Variants in KAT7 observed in about 807,000 individuals in gnomAD.
The protein encoded by KAT7 is histone acetyltransferase KAT7.
Under a neutral mutation model 82.1 loss-of-function variants are expected in KAT7, and 10 were observed. The observed-to-expected ratio is 0.12, with a 90% CI of 0.08 to 0.21. The LOEUF (loss-of-function observed/expected upper bound fraction) is 0.21, where lower values mean the gene tolerates loss of function less well. KAT7 is among the 10% of genes least tolerant of loss of function. The pLI is 1.00. For missense variants in KAT7, 378 were observed against 760.9 expected (o/e 0.50, Z 5.92); for synonymous variants, 250 against 262.5 (o/e 0.95, Z 0.46).
rs755666855 is a variant in KAT7, at chr17:49,830,797, T to C, written c.*3295T>C. The C allele has an allele frequency of 6.6e-6, 1 of 152,220 alleles. No individual in the cohort carries two copies. The highest frequency in any genetic ancestry group is 1.5e-5 in the Non-Finnish European group (1 of 68,036). 9.4% of individuals were successfully genotyped at this position (152,220 alleles called of 1,614,324 possible). A position where few individuals can be genotyped will look rare whatever the true frequency, so the allele number is the denominator to read the frequency against. On this transcript the variant is annotated 3_prime_UTR_variant, in exon 15 of 15. Coordinates refer to ENST00000259021, the MANE Select transcript of KAT7 (RefSeq NM_007067.5). ...CTGCACCCTCCCCTCTACCGTTTTC[T>C]TCCACTATTTTTGATTCCTTAATGA...
chr17:49,819,681 T>G (rs1252307240), intron 9 of KAT7, among the ~76,000 whole-genome samples: 1 of 152,262 alleles, frequency 6.6e-6, no homozygotes. Context: ...ACCTAATTTA[T>G]TCCATGCCTG....
chr17:49,805,382 T>C lies in KAT7; in HGVS notation c.600T>C (p.His200=), dbSNP rs2074078784. ...TAACAGGACACCTTACAGGAAAACA[T>C]GAGAGACATTTCTCCATCTCAGGAT... ...CNSLGHLTGK[H]ERHFSISGCP... Residue 200 remains histidine, a synonymous_variant, in exon 5 of 15, where the codon CAT becomes CAC. Transcript: ENST00000259021. 1.9e-6 allele frequency: 3 copies of C among 1,612,156 alleles called. No homozygotes were observed. Among genetic ancestry groups the C allele is most frequent in the South Asian group, 2.2e-5 (2 of 91,012 alleles).
Position 49,830,536 on chromosome 17 carries a change from T to G in KAT7, c.*3034T>G, listed in dbSNP as rs2074417168. 1 of 152,210 alleles carries G rather than the reference T, an allele frequency of 6.6e-6. No individual in the cohort carries two copies. The highest frequency in any genetic ancestry group is 2.1e-4 in the South Asian group (1 of 4,832). 9.4% of individuals were successfully genotyped at this position (152,210 alleles called of 1,614,324 possible). A position where few individuals can be genotyped will look rare whatever the true frequency, so the allele number is the denominator to read the frequency against. ...ACAGAAGCTTAGCTGCTTAAGCTCC[T>G]TTATTAGAAGAGCAAAAGTCTGAAA... On this transcript the variant is annotated 3_prime_UTR_variant, in exon 15 of 15. Coordinates refer to ENST00000259021, the MANE Select transcript of KAT7 (RefSeq NM_007067.5).
chr17:49,822,477 C>T lies in KAT7; in HGVS notation c.1386+687C>T, dbSNP rs533367130. ...AACTCCTGACCTCAAGTAATCCACTCGCCTTAGCCTCCTAAAGTGCTAGGA... is the reference window on the plus strand; with the variant it reads ...AACTCCTGACCTCAAGTAATCCACTTGCCTTAGCCTCCTAAAGTGCTAGGA... On this transcript the variant is annotated intron_variant, in intron 11 of 14. Coordinates refer to ENST00000259021, the MANE Select transcript of KAT7 (RefSeq NM_007067.5). Among the ~76,000 whole-genome samples, 22 of 152,244 alleles carry T rather than the reference C, an allele frequency of 1.4e-4. No homozygotes were observed. In the South Asian group the frequency reaches 3.3e-3, roughly 23 times the overall value.
At chr17:49,795,240 A>C (rs1446546991) in intron 2 of KAT7, 1 of 155,660 alleles carries the variant, frequency 6.4e-6, no homozygotes, top group East Asian at 1.8e-4. Flanking sequence ...GTCTATCAGA[A>C]CATCACAGTA....
At chr17:49,826,888 C>T (rs989313577) in intron 14 of KAT7, 89 bp downstream of exon 14, 27 of 804,550 alleles carry the variant, frequency 3.4e-5, no homozygotes, top group African/African-American at 3.1e-4. Context: ...GGAGAACCTT[C>T]CCTTAAAGGA....
intron 11 of KAT7, 62 bp downstream of exon 11, chr17:49,821,852 TGGG>T (rs2074307601): frequency 6.6e-7 from 1 of 1,505,476 alleles, no homozygotes; most frequent in Non-Finnish European, 9.2e-7. Context: ...TGTTCGCAGT[TGGG>T]GGCTCAAATC....
In KAT7 at chr17:49,811,589, A is replaced by G. The variant is rs756410432; in HGVS notation, c.852+15A>G. The G allele has an allele frequency of 3.1e-6, 4 of 1,297,858 alleles. No homozygotes were observed. Among genetic ancestry groups the G allele is most frequent in the Non-Finnish European group, 4.2e-6 (4 of 945,276 alleles). 80.4% of individuals were successfully genotyped at this position (1,297,858 alleles called of 1,614,324 possible). A position where few individuals can be genotyped will look rare whatever the true frequency, so the allele number is the denominator to read the frequency against. On this transcript the variant is annotated intron_variant, in intron 7 of 14. Coordinates refer to ENST00000259021, the MANE Select transcript of KAT7 (RefSeq NM_007067.5). ...AGAAATATATGGTGAGGGAAAGTTAAATATTTAATGAGCATGAACTCCTGC... is the reference window on the plus strand; with the variant it reads ...AGAAATATATGGTGAGGGAAAGTTAGATATTTAATGAGCATGAACTCCTGC...
chr17:49,815,772 T>A, intron 7 of KAT7, 31 bp from the exon 8 acceptor site: 1 of 1,250,490 alleles, frequency 8.0e-7, no homozygotes, highest in East Asian at 2.3e-5. Context: ...GCAGAGAGTA[T>A]CAGAGTATCA....
In KAT7 at chr17:49,833,628, G is replaced by A. The variant is rs183118250; in HGVS notation, c.*6126G>A. ...GCTAAATTACTGAATGGTGAGAGAC[G>A]ATGCATAGGAGAACCAAGGTGCTCT... On this transcript the variant is annotated 3_prime_UTR_variant, in exon 15 of 15. Transcript: ENST00000259021. 23 of 152,270 alleles carry A rather than the reference G, an allele frequency of 1.5e-4. No individual in the cohort carries two copies. The highest frequency in any genetic ancestry group is 4.6e-4 in the African/African-American group (19 of 41,548). 9.4% of individuals were successfully genotyped at this position (152,270 alleles called of 1,614,324 possible). A position where few individuals can be genotyped will look rare whatever the true frequency, so the allele number is the denominator to read the frequency against.
rs2074347304 is a variant in KAT7 at position 49,824,658 on chromosome 17, G to C, written c.1481-1342G>C. 2.0e-5 allele frequency: 3 copies of C among 152,208 alleles called. No individual in the cohort carries two copies. The South Asian group carries it at 6.2e-4, about 32-fold the overall frequency. The allele number at this position is 152,208 out of a possible 1,614,324, so 9.4% of individuals were successfully genotyped here. On this transcript the variant is annotated intron_variant, in intron 12 of 14. Coordinates refer to ENST00000259021, the MANE Select transcript of KAT7 (RefSeq NM_007067.5). ...TTACAGGCGTGAGCCACCTTGCCCG[G>C]CCACCTTCTTTCATTTTTAAGTCAC... is the stretch of plus-strand genomic sequence containing the variant.
chr17:49,807,197 A>T (rs911863362), intron 5 of KAT7, among the ~76,000 whole-genome samples: 15 of 152,242 alleles, frequency 9.9e-5, no homozygotes, highest in Admixed American at 9.8e-4. Flanking sequence ...CTTCAAATTA[A>T]TAAGTAAATA....
chr17:49,819,839 C>A (rs2074279982), intron 9 of KAT7, among the ~76,000 whole-genome samples: 1 of 152,146 alleles, frequency 6.6e-6, no homozygotes, highest in Admixed American at 6.5e-5. Context: ...GAGATAGGAA[C>A]AAACTACAGA....
intron 4 of KAT7, among the ~76,000 whole-genome samples, chr17:49,804,553 A>C (rs1432104211): frequency 6.6e-6 from 1 of 152,170 alleles, no homozygotes; most frequent in African/African-American, 2.4e-5. Context: ...AGGCAGGAAG[A>C]TTGCTTGAGT....
In KAT7 at chr17:49,798,410, C is replaced by G; in HGVS notation, c.432C>G (p.Ser144Arg). The change falls in exon 4 of 15, where the codon AGC (serine) becomes AGG (arginine). Residue 144 changes from serine to arginine, a missense_variant. Ser to Arg is a moderately radical substitution (Grantham distance 110). Coordinates refer to ENST00000259021, the MANE Select transcript of KAT7 (RefSeq NM_007067.5). ...CTGAGTCTGACATAGACATCTCCAG[C>G]CCCAATGTATCTCACGATGAGAGCA... ...PSSESDIDIS[S>R]PNVSHDESIA... 2 of 1,614,210 alleles carry G rather than the reference C, an allele frequency of 1.2e-6. No homozygotes were observed. Among genetic ancestry groups the G allele is most frequent in the Non-Finnish European group, 1.7e-6 (2 of 1,180,026 alleles).
intron 8 of KAT7, among the ~76,000 whole-genome samples, chr17:49,816,983 T>C (rs1020168118): frequency 2.0e-5 from 3 of 152,110 alleles, no homozygotes; most frequent in Non-Finnish European, 4.4e-5. Context: ...CCCAGAAATA[T>C]TTTCTGCCTT....
intron 8 of KAT7, among the ~76,000 whole-genome samples, chr17:49,817,536 G>A (rs1484159963): frequency 3.3e-5 from 5 of 152,146 alleles, no homozygotes; most frequent in East Asian, 1.9e-4. Flanking sequence ...GCAGTAGTGC[G>A]ATCTCGGTTC....
At position 49,817,402 on chromosome 17, in the gene KAT7, T is replaced by C. The variant is rs114876885; in HGVS notation, c.964-418T>C. On this transcript the variant is annotated intron_variant, in intron 8 of 14. Coordinates refer to ENST00000259021, the MANE Select transcript of KAT7 (RefSeq NM_007067.5). The stretch of plus-strand genomic sequence containing the variant: ...TCTCTTTAGTGTAAATTCTCATGGA[T>C]AGAAGCCAAATCTGTCTGATTTTTT... Among the ~76,000 whole-genome samples the C allele has an allele frequency of 7.0e-3, 1,067 of 152,324 alleles. 13 individuals carry two copies. Among genetic ancestry groups the C allele is most frequent in the African/African-American group, 0.025 (1,032 of 41,564 alleles).
In KAT7 at chr17:49,826,079, C is replaced by T; in HGVS notation, c.1560C>T (p.Arg520=). 1.2e-6 allele frequency: 2 copies of T among 1,613,872 alleles called. No homozygotes were observed. Among genetic ancestry groups the T allele is most frequent in the Non-Finnish European group, 1.7e-6 (2 of 1,179,760 alleles). Reference sequence around the variant, plus strand: ...CAGATCTGGGGCTTATAAGCTATCGCAGTTACTGGAAAGAAGTACTTCTCC... The same window carrying T: ...CAGATCTGGGGCTTATAAGCTATCGTAGTTACTGGAAAGAAGTACTTCTCC... The part of the protein sequence containing the change: ...PLSDLGLISY[R]SYWKEVLLRY... The change falls in exon 13 of 15, where the codon CGC becomes CGT. Residue 520 remains arginine (R), a synonymous_variant. Coordinates refer to ENST00000259021, the MANE Select transcript of KAT7 (RefSeq NM_007067.5).
Sources: allele counts gnomAD v4.1 joint callset (sites outside exome capture counted in the v4.1 genomes callset), GRCh38; gene constraint gnomAD v4.1.1; transcripts MANE v1.5; gene names NCBI Gene and HGNC (gene_info 2026-07-23, HGNC 2026-07-21).